ANKRD44: variants seen among roughly 807,000 people sequenced by gnomAD.
ANKRD44 encodes serine/threonine-protein phosphatase 6 regulatory ankyrin repeat subunit B.
ANKRD44 carries 35 observed loss-of-function variants against 116.0 expected under a neutral mutation model. The observed-to-expected ratio is 0.30, with a 90% CI of 0.23 to 0.40. ANKRD44 has a LOEUF of 0.40. Among genes scored for constraint, ANKRD44 ranks in the 10% least tolerant of loss-of-function variants. The pLI, the probability that ANKRD44 is intolerant of heterozygous loss-of-function variation, is 1.00. For synonymous variants in ANKRD44, 435 were observed against 461.8 expected (o/e 0.94, Z 0.74); for missense variants, 1,014 against 1,242.6 (o/e 0.82, Z 2.77).
intron 2 of ANKRD44, among the ~76,000 whole-genome samples, chr2:197,171,442 C>A (rs1290104256): frequency 1.3e-5 from 2 of 152,128 alleles, no homozygotes; most frequent in Non-Finnish European, 2.9e-5. Context: ...GACAGTCTAA[C>A]TGGAACTACT....
intron 21 of ANKRD44, among the ~76,000 whole-genome samples, chr2:196,978,270 CT>C (rs57317416): frequency 0.07 from 10,603 of 152,144 alleles, 482 homozygotes; most frequent in East Asian, 0.14. Flanking sequence ...CCTCTCCCCT[CT>C]CTCTCCTGCT....
At chr2:197,214,581 T>G (rs1053012029) in intron 1 of ANKRD44, among the ~76,000 whole-genome samples, 15 of 152,260 alleles carry the variant, frequency 9.9e-5, no homozygotes, top group African/African-American at 3.4e-4. Flanking sequence ...TATTTTCTCC[T>G]TTTTTCTTTT....
intron 16 of ANKRD44, among the ~76,000 whole-genome samples, chr2:197,058,561 T>C (rs1301673995): frequency 2.0e-5 from 3 of 152,174 alleles, no homozygotes; most frequent in Admixed American, 6.5e-5. Context: ...ATTTTTCACC[T>C]TCCAGAGCAT....
In ANKRD44 at chr2:196,987,108, G is replaced by A; in HGVS notation, c.*2483C>T. On this transcript the variant is annotated 3_prime_UTR_variant, in exon 28 of 28. Transcript: ENST00000282272. ...TTTTAGATCACATAAGAAACGCATA[G>A]AATTACATTTTATACAAACACTCAG... 1.0e-6 allele frequency: 1 copy of A among 983,996 alleles called. No homozygotes were observed. The highest frequency in any genetic ancestry group is 1.7e-5 in the African/African-American group (1 of 57,348). The allele number at this position is 983,996 out of a possible 1,614,324, so 61.0% of individuals were successfully genotyped here. A position where few individuals can be genotyped will look rare whatever the true frequency, so the allele number is the denominator to read the frequency against.
At chr2:197,036,682 T>C (rs1361170657) in intron 16 of ANKRD44, among the ~76,000 whole-genome samples, 1 of 152,200 alleles carries the variant, frequency 6.6e-6, no homozygotes, top group Non-Finnish European at 1.5e-5. Flanking sequence ...TTCCTGATGA[T>C]TTCCTTGCCA....
At chr2:197,093,876 A>G (rs770947221) in intron 10 of ANKRD44, among the ~76,000 whole-genome samples, 2 of 152,254 alleles carry the variant, frequency 1.3e-5, no homozygotes, top group Admixed American at 6.5e-5. Context: ...GCCAAATCAC[A>G]CTAAACTTAA....
chr2:196,975,011 G>C (rs1202807336), intron 21 of ANKRD44, among the ~76,000 whole-genome samples: 1 of 151,912 alleles, frequency 6.6e-6, no homozygotes, highest in Admixed American at 6.6e-5. Context: ...AAAAACAATA[G>C]AGAAAATTAA....
chr2:196,973,734 CTTAT>C (rs2075731459), intron 21 of ANKRD44, among the ~76,000 whole-genome samples: 1 of 152,158 alleles, frequency 6.6e-6, no homozygotes, highest in African/African-American at 2.4e-5. Flanking sequence ...ACTGTCTATT[CTTAT>C]TTGTTTACTT....
intron 10 of ANKRD44, among the ~76,000 whole-genome samples, chr2:197,092,537 C>T (rs569117418): frequency 1.4e-4 from 21 of 152,284 alleles, no homozygotes; most frequent in African/African-American, 4.3e-4. Context: ...ATAGCTTCTT[C>T]CTATTTAACG....
intron 21 of ANKRD44, among the ~76,000 whole-genome samples, chr2:196,979,382 C>CAAA (rs778459937): frequency 2.7e-3 from 109 of 40,422 alleles, no homozygotes; most frequent in African/African-American, 3.4e-3. Flanking sequence ...GACTCCGTCT[C>CAAA]AAAAAAAAAA....
chr2:196,993,470 G>A (rs1559400200), intron 27 of ANKRD44, 113 bp downstream of exon 27: 2 of 828,166 alleles, frequency 2.4e-6, no homozygotes, highest in East Asian at 5.5e-5. Flanking sequence ...GGACTTCCAA[G>A]GGGGACAGAA....
chr2:197,015,380 A>G, intron 17 of ANKRD44: 1 of 585,560 alleles, frequency 1.7e-6, no homozygotes, highest in Non-Finnish European at 3.0e-6. Flanking sequence ...TTGGAAAAAA[A>G]GAGAGGATTT....
At chr2:197,068,331 T>G (rs2125084429) in intron 16 of ANKRD44, among the ~76,000 whole-genome samples, 2 of 132,318 alleles carry the variant, frequency 1.5e-5, no homozygotes, top group East Asian at 4.3e-4. Context: ...CTGCACAATG[T>G]GCACATGTAC....
Position 197,083,423 on chromosome 2 carries a change from T to C in ANKRD44, c.1403A>G (p.Asp468Gly), listed in dbSNP as rs1030952734. 3 of 1,613,966 alleles carry C rather than the reference T, an allele frequency of 1.9e-6. No individual in the cohort carries two copies. Among genetic ancestry groups the C allele is most frequent in the Non-Finnish European group, 2.5e-6 (3 of 1,179,910 alleles). Residue 468 changes from aspartate (D) to glycine (G), a missense_variant, in exon 14 of 28, where the codon GAT becomes GGT. Physicochemically the swap from Asp to Gly is moderately conservative, Grantham distance 94. Coordinates refer to ENST00000282272, the MANE Select transcript of ANKRD44 (RefSeq NM_001195144.2). Reference sequence around the variant, plus strand: ...ATGCAAAGCTGTGCGTCCCCAGTCATCTGTTTCATTAACGTTGGCCCCTGT... The same window carrying C: ...ATGCAAAGCTGTGCGTCCCCAGTCACCTGTTTCATTAACGTTGGCCCCTGT... ...VTTGANVNET[D>G]DWGRTALHYA...
At chr2:197,307,593 CT>C (rs2084111171) in intron 1 of ANKRD44, among the ~76,000 whole-genome samples, 1 of 151,576 alleles carries the variant, frequency 6.6e-6, no homozygotes. Flanking sequence ...TGGTCTCTCC[CT>C]TTTTCTTTTT....
chr2:197,133,120 C>T (rs957452404), intron 4 of ANKRD44, among the ~76,000 whole-genome samples: 5 of 152,210 alleles, frequency 3.3e-5, no homozygotes, highest in Admixed American at 2.6e-4. Context: ...TGACACTAAT[C>T]GGCTGGATCA....
rs114366168 is a variant in ANKRD44 at position 197,295,380 on chromosome 2, G to A, written c.27+15198C>T. ...AACTACTCAACTCTGCTGTTGTAGC[G>A]CCCATAGACAAGACGTAAACAAATA... On this transcript the variant is annotated intron_variant, in intron 1 of 27. Transcript: ENST00000282272. Among the ~76,000 whole-genome samples the A allele has an allele frequency of 4.7e-3, 718 of 152,296 alleles. 6 individuals are homozygous for A. The highest frequency in any genetic ancestry group is 0.016 in the African/African-American group (685 of 41,568).
chr2:197,192,458 C>T (rs1462167590), intron 1 of ANKRD44, among the ~76,000 whole-genome samples: 1 of 152,228 alleles, frequency 6.6e-6, no homozygotes, highest in Non-Finnish European at 1.5e-5. Context: ...TATTCCTAAA[C>T]ATCTGTCCCT....
At chr2:197,023,594 G>A (rs1470342590) in intron 17 of ANKRD44, among the ~76,000 whole-genome samples, 3 of 152,152 alleles carry the variant, frequency 2.0e-5, no homozygotes, top group East Asian at 1.9e-4. Flanking sequence ...AAGAACGAGA[G>A]ATGATCAAGT....
Sources: allele counts gnomAD v4.1 joint callset (sites outside exome capture counted in the v4.1 genomes callset), GRCh38; gene constraint gnomAD v4.1.1; transcripts MANE v1.5; gene names NCBI Gene and HGNC (gene_info 2026-07-23, HGNC 2026-07-21).